XRRA1: variants seen among roughly 807,000 people sequenced by gnomAD.
XRRA1 encodes X-ray radiation resistance-associated protein 1.
In XRRA1, 69 loss-of-function variants were observed where a neutral mutation model predicts 80.2. The ratio of observed to expected loss-of-function variants is 0.86; its 90% CI spans 0.71 to 1.05. The LOEUF is 1.05. Among genes scored for constraint, XRRA1 ranks in the 50% least tolerant of loss-of-function variants. The probability of loss-of-function intolerance (pLI) is 0.00; values close to 1 mark genes in which losing one functional copy is unlikely to be tolerated. For missense variants in XRRA1, 967 were observed against 976.4 expected, an observed-to-expected ratio of 0.99 and a Z score of 0.13; for synonymous variants, 348 against 389.9, an observed-to-expected ratio of 0.89 and a Z score of 1.27.
At chr11:74,873,335 T>C (rs1309120084) in intron 10 of XRRA1, among the ~76,000 whole-genome samples, 3 of 152,212 alleles carry the variant, frequency 2.0e-5, no homozygotes, top group African/African-American at 7.2e-5. Flanking sequence ...CTCCACATCA[T>C]TAATAAGGCC....
rs535010545 is a variant in XRRA1, at chr11:74,907,413, T to C, written c.657-140A>G. On this transcript the variant is annotated intron_variant, in intron 8 of 18. Coordinates refer to ENST00000684022, the MANE Select transcript of XRRA1 (RefSeq NM_001378157.1). Reference sequence around the variant, plus strand: ...TTCTAGTGCCCAAAAGAGGTCCCCATAGGGATGCACAGAAAGTATAATTCC... The same window carrying C: ...TTCTAGTGCCCAAAAGAGGTCCCCACAGGGATGCACAGAAAGTATAATTCC... The C allele has an allele frequency of 4.8e-6, 5 of 1,037,034 alleles. No individual in the cohort carries two copies. The South Asian group carries it at 4.9e-5, about 10-fold the overall frequency. 64.2% of individuals were successfully genotyped at this position (1,037,034 alleles called of 1,614,324 possible). A position where few individuals can be genotyped will look rare whatever the true frequency, so the allele number is the denominator to read the frequency against.
chr11:74,866,670 T>C (rs913006199), intron 10 of XRRA1, among the ~76,000 whole-genome samples: 4 of 113,148 alleles, frequency 3.5e-5, no homozygotes, highest in Non-Finnish European at 7.5e-5. Context: ...AAAAAAAAAA[T>C]CAAAGAAATC....
chr11:74,862,851 A>G (rs955137443), intron 11 of XRRA1, 130 bp downstream of exon 11: 15 of 813,956 alleles, frequency 1.8e-5, no homozygotes, highest in East Asian at 2.7e-5. Context: ...GCAACTACCT[A>G]TTCAATGAAT....
intron 7 of XRRA1, among the ~76,000 whole-genome samples, chr11:74,922,256 C>CAAAA (rs398016677): frequency 1.4e-4 from 10 of 69,546 alleles, no homozygotes; most frequent in African/African-American, 1.9e-4. Flanking sequence ...GACTCTGCCT[C>CAAAA]AAAAAAAAAA....
rs1309044760 is a variant in XRRA1, at chr11:74,927,349, G to A, written c.522+42C>T. On this transcript the variant is annotated intron_variant, in intron 7 of 18. Coordinates refer to ENST00000684022, the MANE Select transcript of XRRA1 (RefSeq NM_001378157.1). ...AAAGCTCTATGCTCATTCCTTACAG[G>A]GGAACTTGGTGGGCACCAAAAACTC... 3 of 1,160,598 alleles carry A rather than the reference G, an allele frequency of 2.6e-6. No homozygotes were observed. The South Asian group carries it at 3.7e-5, about 14-fold the overall frequency. 71.9% of individuals were successfully genotyped at this position (1,160,598 alleles called of 1,614,324 possible).
intron 10 of XRRA1, among the ~76,000 whole-genome samples, chr11:74,893,680 C>T (rs1280128900): frequency 6.6e-6 from 1 of 151,078 alleles, no homozygotes; most frequent in Non-Finnish European, 1.5e-5. Flanking sequence ...AAATCAAAAC[C>T]ATAATGAGAT....
At chr11:74,876,846 T>C (rs1371077194) in intron 10 of XRRA1, 1 of 152,254 alleles carries the variant, frequency 6.6e-6, no homozygotes, top group Non-Finnish European at 1.5e-5. Flanking sequence ...ATACTTTCAG[T>C]TATTTCTACT....
chr11:74,943,312 C>T (rs776207851), intron 2 of XRRA1, among the ~76,000 whole-genome samples: 1 of 152,152 alleles, frequency 6.6e-6, no homozygotes, highest in Non-Finnish European at 1.5e-5. Flanking sequence ...TTCAGAGAGA[C>T]AGGCATAAAA....
Position 74,848,233 on chromosome 11 carries a change from T to C in XRRA1, c.1610A>G (p.Asn537Ser), listed in dbSNP as rs776070506. ...TFVPLPPICS[N>S]STVHSEETLS... is the part of the protein sequence containing the mutation. ...GGTCTCTTCACTATGCACAGTGGAG[T>C]TGGAGCAGATGGGAGGCAGTGGCAC... Residue 537 changes from asparagine (N) to serine (S), a missense_variant, in exon 15 of 19, where the codon AAC becomes AGC. Physicochemically the swap from Asn to Ser is conservative, Grantham distance 46 (BLOSUM62 1). Transcript: ENST00000684022. 107 of 1,613,242 alleles carry C rather than the reference T, an allele frequency of 6.6e-5. No individual in the cohort carries two copies. Among genetic ancestry groups the C allele is most frequent in the Non-Finnish European group, 9.0e-5 (106 of 1,179,734 alleles).
chr11:74,946,594 C>T (rs1244122230), intron 1 of XRRA1, among the ~76,000 whole-genome samples: 5 of 152,152 alleles, frequency 3.3e-5, no homozygotes, highest in Admixed American at 3.3e-4. Context: ...ATAAATTACC[C>T]AGTCTTGAGC....
chr11:74,888,792 T>C (rs1038229835), intron 10 of XRRA1, among the ~76,000 whole-genome samples: 2 of 151,572 alleles, frequency 1.3e-5, no homozygotes, highest in African/African-American at 4.8e-5. Flanking sequence ...TTTGATCAAC[T>C]GGAAGAAAGG....
chr11:74,848,088 T>G (rs778050833), intron 15 of XRRA1, 27 bp downstream of exon 15: 10 of 1,584,016 alleles, frequency 6.3e-6, no homozygotes, highest in Middle Eastern at 1.7e-4. Flanking sequence ...TAGCAACAAG[T>G]GGGCAGGGGC....
intron 17 of XRRA1, 46 bp from the exon 18 acceptor site, chr11:74,844,005 A>G: frequency 6.4e-7 from 1 of 1,569,494 alleles, no homozygotes; most frequent in Non-Finnish European, 8.8e-7. Flanking sequence ...GTTTATGCAC[A>G]GACTTCCCTG....
rs2047853969 is a variant in XRRA1, at chr11:74,882,314, C to A, written c.1004-19293G>T. Among the ~76,000 whole-genome samples the A allele has an allele frequency of 6.6e-5, 10 of 151,548 alleles. No individual in the cohort carries two copies. The South Asian group carries it at 2.1e-3, about 32-fold the overall frequency. ...CAGTTGATTGCATCGGCTCCTGAGG[C>A]TTCTGCATTCTTCACGTAGTTCTCG... On this transcript the variant is annotated intron_variant, in intron 10 of 18. Coordinates refer to ENST00000684022, the MANE Select transcript of XRRA1 (RefSeq NM_001378157.1).
At chr11:74,885,427 A>C (rs1213328940) in intron 10 of XRRA1, among the ~76,000 whole-genome samples, 1 of 152,218 alleles carries the variant, frequency 6.6e-6, no homozygotes, top group African/African-American at 2.4e-5. Context: ...AATTACAAAA[A>C]ACATCAGAGA....
intron 2 of XRRA1, among the ~76,000 whole-genome samples, chr11:74,942,536 TCA>T (rs1467221009): frequency 1.3e-5 from 2 of 152,178 alleles, no homozygotes; most frequent in Admixed American, 6.5e-5. Context: ...GTGCTCTCTC[TCA>T]GAGTTGTGCA....
intron 8 of XRRA1, among the ~76,000 whole-genome samples, chr11:74,915,609 C>G (rs977171707): frequency 6.6e-6 from 1 of 152,166 alleles, no homozygotes; most frequent in African/African-American, 2.4e-5. Context: ...CTTTAAAAAG[C>G]AGCAGCAAGT....
At chr11:74,890,497 G>A (rs966254322) in intron 10 of XRRA1, among the ~76,000 whole-genome samples, 5 of 152,034 alleles carry the variant, frequency 3.3e-5, no homozygotes, top group Admixed American at 6.5e-5. Flanking sequence ...AAGAACTAGA[G>A]AAGCAAGAGC....
chr11:74,894,043 G>A (rs2051557385), intron 10 of XRRA1, among the ~76,000 whole-genome samples: 1 of 151,978 alleles, frequency 6.6e-6, no homozygotes. Context: ...TACATATTTT[G>A]GTGTGATACA....
Sources: allele counts gnomAD v4.1 joint callset (sites outside exome capture counted in the v4.1 genomes callset), GRCh38; gene constraint gnomAD v4.1.1; transcripts MANE v1.5; gene names NCBI Gene and HGNC (gene_info 2026-07-23, HGNC 2026-07-21).